RBM20: variants seen among roughly 807,000 people sequenced by gnomAD.
The protein encoded by RBM20 is RNA-binding protein 20.
A neutral mutation model predicts 110.1 loss-of-function variants in RBM20; 51 were observed. The observed-to-expected ratio is 0.46, with a 90% CI of 0.37 to 0.59. The LOEUF is 0.59. Among genes scored for constraint, RBM20 ranks in the 20% least tolerant of loss-of-function variants. The probability of loss-of-function intolerance (pLI) is 0.00; values close to 1 mark genes in which losing one functional copy is unlikely to be tolerated. For missense variants in RBM20, 1,512 were observed against 1,574.9 expected (o/e 0.96, Z 0.68); for synonymous variants, 589 against 618.2 (o/e 0.95, Z 0.70).
rs186204594 is a variant in RBM20 at position 110,711,204 on chromosome 10, C to T, written c.191+66559C>T. ...AATTAGCTGGGCGTGGTGGTGGGCA[C>T]CTGTAATCCCAGCTGCTCGGGAGGC... On this transcript the variant is annotated intron_variant, in intron 1 of 13. Coordinates refer to ENST00000369519, the MANE Select transcript of RBM20 (RefSeq NM_001134363.3). Among the ~76,000 whole-genome samples the T allele has an allele frequency of 2.6e-3, 388 of 151,750 alleles. 1 individual carries two copies. The highest frequency in any genetic ancestry group is 4.4e-3 in the Non-Finnish European group (299 of 67,908).
intron 1 of RBM20, among the ~76,000 whole-genome samples, chr10:110,737,029 T>G (rs558507072): frequency 4.0e-5 from 6 of 151,406 alleles, no homozygotes; most frequent in African/African-American, 1.5e-4. Context: ...ACAAAAAAAT[T>G]AGCCGGGCAT....
chr10:110,758,014 CTTT>C (rs760246427), intron 1 of RBM20, among the ~76,000 whole-genome samples: 23 of 79,900 alleles, frequency 2.9e-4, no homozygotes, highest in East Asian at 4.2e-4. Flanking sequence ...GATCCTTGTT[CTTT>C]TTTTTTTTTT....
intron 5 of RBM20, among the ~76,000 whole-genome samples, chr10:110,796,713 A>G (rs1844554940): frequency 6.6e-6 from 1 of 152,210 alleles, no homozygotes; most frequent in Non-Finnish European, 1.5e-5. Flanking sequence ...TGATTGTGCC[A>G]CTGCATTCTA....
rs527884427 is a variant in RBM20, at chr10:110,785,556, AAAAC to A, written c.1527+679_1527+682del. On this transcript the variant is annotated intron_variant, in intron 5 of 13. Transcript: ENST00000369519. ...AGGTGACAGACCGGGACTCTGTCTC[AAAAC>A]AAACAAACAAAAAAACCATTTTCTC... Among the ~76,000 whole-genome samples the A allele has an allele frequency of 6.5e-4, 99 of 152,290 alleles. 1 individual carries two copies. Among genetic ancestry groups the A allele is most frequent in the Non-Finnish European group, 2.8e-4 (19 of 68,018 alleles).
At chr10:110,733,766 C>T (rs577617823) in intron 1 of RBM20, among the ~76,000 whole-genome samples, 3 of 152,310 alleles carry the variant, frequency 2.0e-5, no homozygotes, top group South Asian at 4.1e-4. Context: ...AGGAACTGCT[C>T]GCTCAGCTAC....
chr10:110,832,094 A>C (rs1421657043), intron 13 of RBM20, among the ~76,000 whole-genome samples: 2 of 152,370 alleles, frequency 1.3e-5, no homozygotes, highest in African/African-American at 4.8e-5. Context: ...AAATATGGTA[A>C]TATGTTCTAT....
At chr10:110,824,395 T>G (rs1350151940) in intron 12 of RBM20, among the ~76,000 whole-genome samples, 1 of 152,190 alleles carries the variant, frequency 6.6e-6, no homozygotes, top group East Asian at 1.9e-4. Context: ...TGATGCTGAA[T>G]AGAATGTGTT....
In RBM20 at chr10:110,797,622, T is replaced by C; in HGVS notation, c.1642T>C (p.Tyr548His). The C allele has an allele frequency of 6.4e-7, 1 of 1,551,796 alleles. No individual in the cohort carries two copies. The highest frequency in any genetic ancestry group is 2.0e-5 in the Admixed American group (1 of 50,998). The change falls in exon 6 of 14, where the codon TAC (tyrosine) becomes CAC (histidine). Residue 548 changes from tyrosine (Y) to histidine (H), a missense_variant. Tyr to His is a moderately conservative substitution (Grantham distance 83). Around this residue, in one of 3 missense-constraint regions of RBM20, gnomAD observed 1,149 missense variants for 1,169.4 expected, o/e 0.98. Coordinates refer to ENST00000369519, the MANE Select transcript of RBM20 (RefSeq NM_001134363.3). ...LGLPFGKVTN[Y>H]ILMKSTNQAF... ...GCTGCCCTTTGGAAAGGTCACTAAT[T>C]ACATCCTCATGAAGTCGACTAATCA...
chr10:110,651,561 G>A (rs1371352907), intron 1 of RBM20, among the ~76,000 whole-genome samples: 1 of 152,130 alleles, frequency 6.6e-6, no homozygotes, highest in Admixed American at 6.5e-5. Flanking sequence ...TGTCTGAATT[G>A]GATTGTGTTA....
intron 7 of RBM20, among the ~76,000 whole-genome samples, chr10:110,804,590 C>T (rs984482429): frequency 5.3e-5 from 8 of 152,150 alleles, no homozygotes; most frequent in African/African-American, 1.7e-4. Context: ...AAGGGAGTTC[C>T]TCAGCTTATT....
At chr10:110,723,168 T>C (rs1335731323) in intron 1 of RBM20, among the ~76,000 whole-genome samples, 1 of 151,916 alleles carries the variant, frequency 6.6e-6, no homozygotes, top group Non-Finnish European at 1.5e-5. Context: ...GTGGGTACTG[T>C]TTTGTTAATA....
intron 1 of RBM20, among the ~76,000 whole-genome samples, chr10:110,766,984 C>G (rs1274756811): frequency 2.2e-5 from 3 of 134,382 alleles, no homozygotes; most frequent in Non-Finnish European, 4.8e-5. Context: ...CCGGACGGGG[C>G]GGCTGGCCGG....
chr10:110,767,345 C>G (rs909408891), intron 1 of RBM20, among the ~76,000 whole-genome samples: 2 of 142,072 alleles, frequency 1.4e-5, no homozygotes, highest in Non-Finnish European at 3.1e-5. Flanking sequence ...GGGGGGCTGA[C>G]CCCCCCACCT....
chr10:110,812,173 G>A, intron 8 of RBM20, 105 bp from the exon 9 acceptor site: 1 of 1,038,696 alleles, frequency 9.6e-7, no homozygotes, highest in Non-Finnish European at 1.4e-6. Context: ...AGTGTACACA[G>A]TTACATGCAC....
At chr10:110,727,399 C>CAAAAAAAAAAAT (rs373594637) in intron 1 of RBM20, among the ~76,000 whole-genome samples, 3 of 83,230 alleles carry the variant, frequency 3.6e-5, no homozygotes, top group Admixed American at 2.8e-4. Flanking sequence ...AAGTCCGTCT[C>CAAAAAAAAAAAT]AAAAAATAAA....
rs192182938 is a variant in RBM20 at position 110,717,249 on chromosome 10, C to T, written c.192-63552C>T. ...GGTGAAGGTGGTCTGCAGTGACAGC[C>T]TTCATATTTAATTCACTACACCCTC... On this transcript the variant is annotated intron_variant, in intron 1 of 13. Coordinates refer to ENST00000369519, the MANE Select transcript of RBM20 (RefSeq NM_001134363.3). Among the ~76,000 whole-genome samples, 23 of 152,258 alleles carry T rather than the reference C, an allele frequency of 1.5e-4. No homozygotes were observed. In the East Asian group the frequency reaches 3.9e-3, roughly 26 times the overall value.
At chr10:110,820,707 C>T (rs566760763) in intron 10 of RBM20, among the ~76,000 whole-genome samples, 3 of 152,332 alleles carry the variant, frequency 2.0e-5, no homozygotes, top group African/African-American at 7.2e-5. Context: ...CGTGCCTTTC[C>T]GGTCAGGAGA....
chr10:110,669,929 A>G (rs1385161028), intron 1 of RBM20, among the ~76,000 whole-genome samples: 1 of 152,256 alleles, frequency 6.6e-6, no homozygotes, highest in African/African-American at 2.4e-5. Context: ...AGGTTGCTGA[A>G]TTAAAAATAA....
intron 1 of RBM20, among the ~76,000 whole-genome samples, chr10:110,649,458 A>G (rs1437316689): frequency 6.6e-6 from 1 of 152,158 alleles, no homozygotes; most frequent in South Asian, 2.1e-4. Flanking sequence ...GGAAAGTAAG[A>G]ATTGAGGAAG....
Sources: gnomAD v4.1 joint callset for allele counts (sites outside exome capture counted in the v4.1 genomes callset) on GRCh38, gnomAD v4.1.1 for gene constraint, gnomAD v4.1.1 regional missense constraint, MANE v1.5 for transcripts, NCBI Gene and HGNC (gene_info 2026-07-23, HGNC 2026-07-21) for gene names.